Variants in COL11A2 observed in about 807,000 individuals in gnomAD.
COL11A2 encodes collagen type XI alpha 2 chain.
A neutral mutation model predicts 273.4 loss-of-function variants in COL11A2; 116 were observed. The ratio of observed to expected loss-of-function variants is 0.42; its 90% confidence interval spans 0.36 to 0.49. The LOEUF (loss-of-function observed/expected upper bound fraction) is 0.49. Ranked by LOEUF, COL11A2 falls within the 20% of genes least tolerant of loss-of-function variation. The probability of loss-of-function intolerance (pLI) is 0.00; values close to 1 mark genes in which losing one functional copy is unlikely to be tolerated. For missense variants in COL11A2, 1,866 were observed against 2,309.0 expected (o/e 0.81, Z 3.93); for synonymous variants, 782 against 864.2 (o/e 0.90, Z 1.67).
rs1398393436 is a variant in COL11A2 at position 33,170,784 on chromosome 6, AGCCCCTGT to A, written c.3474+18_3474+25del. The A allele has an allele frequency of 1.2e-6, 2 of 1,608,692 alleles. No individual in the cohort carries two copies. The highest frequency in any genetic ancestry group is 2.7e-5 in the African/African-American group (2 of 74,456). ...TCACCCCATCCTGACCCCACCTCTC[AGCCCCTGT>A]CCTATCCCCCAACACACCTGTAGGC... is the stretch of plus-strand genomic sequence containing the variant. On this transcript the variant is annotated intron_variant, in intron 46 of 65. Transcript: ENST00000341947. This position sits in a 1 kb window ranked among gnomAD's most constrained non-coding sequence, Gnocchi z 4.3.
At position 33,184,347 on chromosome 6, in the gene COL11A2, A is replaced by G. The variant is rs1433524035; in HGVS notation, c.940-23T>C. The G allele has an allele frequency of 5.2e-6, 7 of 1,354,894 alleles. No individual in the cohort carries two copies. The Admixed American group carries it at 1.3e-4, about 26-fold the overall frequency. The allele number at this position is 1,354,894 out of a possible 1,614,324, so 83.9% of individuals were successfully genotyped here. On this transcript the variant is annotated intron_variant, in intron 7 of 65. Transcript: ENST00000341947. ...CTCCTTCCCAGGGATGGGGAGGGAG[A>G]GGGGTAGATGGGGATGTTAGGGCTG...
In COL11A2 at chr6:33,189,343, G is replaced by A; in HGVS notation, c.209C>T (p.Ala70Val). 6.2e-7 allele frequency: 1 copy of A among 1,613,612 alleles called. No individual in the cohort carries two copies. The change falls in exon 2 of 66, where the codon GCA becomes GTA. Residue 70 changes from alanine to valine, a missense_variant. By Grantham distance (64) the Ala-to-Val change is moderately conservative. Coordinates refer to ENST00000341947, the MANE Select transcript of COL11A2 (RefSeq NM_080680.3). This position sits in a 1 kb window ranked among gnomAD's most constrained non-coding sequence, Gnocchi z 5.6. ...YRVARPAQLS[A>V]PTRQLFPGGF... The stretch of plus-strand genomic sequence containing the variant: ...ACCTGGGAAAAGCTGGCGAGTGGGT[G>A]CACTGAGCTGGGCAGGTCGTGCCAC...
rs552972707 is a variant in COL11A2 at position 33,190,761 on chromosome 6, C to T, written c.83-1292G>A. On this transcript the variant is annotated intron_variant, in intron 1 of 65. Transcript: ENST00000341947. This position sits in a 1 kb window ranked among gnomAD's most constrained non-coding sequence, Gnocchi z 4.5. ...AACACACAAGGGCCGCTTTGAGAGACGAAGGGTGAGTGAGACAGAGACACA... is the reference window on the plus strand; with the variant it reads ...AACACACAAGGGCCGCTTTGAGAGATGAAGGGTGAGTGAGACAGAGACACA... Among the ~76,000 whole-genome samples, 1 of 152,184 alleles carries T rather than the reference C, an allele frequency of 6.6e-6. No homozygotes were observed. The highest frequency in any genetic ancestry group is 2.1e-4 in the South Asian group (1 of 4,824).
chr6:33,178,075 G>A lies in COL11A2; in HGVS notation c.1872+57C>T. ...GGAGCAGGAAGGCAGCTAGAAAGGT[G>A]GAGAGTTGGAGAGGTCAAGGGGTCA... On this transcript the variant is annotated intron_variant, in intron 21 of 65. Transcript: ENST00000341947. The surrounding 1 kb of genome is among the most constrained non-coding windows in gnomAD (Gnocchi z 4.6). The A allele has an allele frequency of 2.0e-6, 3 of 1,529,492 alleles. No homozygotes were observed. Among genetic ancestry groups the A allele is most frequent in the South Asian group, 2.4e-5 (2 of 84,766 alleles). 94.7% of individuals were successfully genotyped at this position (1,529,492 alleles called of 1,614,324 possible). A position where few individuals can be genotyped will look rare whatever the true frequency, so the allele number is the denominator to read the frequency against.
chr6:33,188,836 G>T (rs1562388305), intron 3 of COL11A2, 142 bp downstream of exon 3: 5 of 996,800 alleles, frequency 5.0e-6, no homozygotes, highest in Non-Finnish European at 6.4e-6. Flanking sequence ...CTCTGGACTA[G>T]AAGTGACTGA....
rs1166513195 is a variant in COL11A2, at chr6:33,171,773, A to G, written c.3090T>C (p.Gly1030=). The part of the protein sequence containing the change: ...RGAAGSGGPI[G]PPGRPGPQGP... ...CCTGCGGGCCTGGGCGCCCTGGCGG[A>G]CCAATGGGTCCCCCTGATCCTGCTG... The change falls in exon 42 of 66, where the codon GGT becomes GGC. Residue 1030 remains glycine (G), a synonymous_variant. Coordinates refer to ENST00000341947, the MANE Select transcript of COL11A2 (RefSeq NM_080680.3). 6.2e-7 allele frequency: 1 copy of G among 1,612,768 alleles called. No individual in the cohort carries two copies. The highest frequency in any genetic ancestry group is 1.1e-5 in the South Asian group (1 of 91,068).
chr6:33,177,392 G>A lies in COL11A2; in HGVS notation c.1971+20C>T, dbSNP rs770912127. 51 of 1,612,478 alleles carry A rather than the reference G, an allele frequency of 3.2e-5. No homozygotes were observed. The East Asian group carries it at 3.3e-4, about 11-fold the overall frequency. ...AGGGAAGTCATGAAAATTGGGGAACGGAGTAGGGGCACCGCTCACCTGGGT... is the reference window on the plus strand; with the variant it reads ...AGGGAAGTCATGAAAATTGGGGAACAGAGTAGGGGCACCGCTCACCTGGGT... On this transcript the variant is annotated intron_variant, in intron 23 of 65. Coordinates refer to ENST00000341947, the MANE Select transcript of COL11A2 (RefSeq NM_080680.3). This position sits in a 1 kb window ranked among gnomAD's most constrained non-coding sequence, Gnocchi z 5.9.
Position 33,189,865 on chromosome 6 carries a change from C to T in COL11A2, c.83-396G>A, listed in dbSNP as rs957144611. ...TATGTTGGTCTTTCTGTCTCTGTCT[C>T]TTCTGTCTTCCTCCATTTCTCTCAC... On this transcript the variant is annotated intron_variant, in intron 1 of 65. Coordinates refer to ENST00000341947, the MANE Select transcript of COL11A2 (RefSeq NM_080680.3). This position sits in a 1 kb window ranked among gnomAD's most constrained non-coding sequence, Gnocchi z 5.6. 1.3e-5 allele frequency among the ~76,000 whole-genome samples: 2 copies of T among 152,156 alleles called. No homozygotes were observed. Among genetic ancestry groups the T allele is most frequent in the Non-Finnish European group, 2.9e-5 (2 of 68,024 alleles).
rs763024054 is a variant in COL11A2, at chr6:33,177,265, G to GTC, written c.1972-42_1972-41dup. 1 of 1,612,226 alleles carries GTC rather than the reference G, an allele frequency of 6.2e-7. No homozygotes were observed. The highest frequency in any genetic ancestry group is 1.1e-5 in the South Asian group (1 of 91,060). Reference sequence around the variant, plus strand: ...AGAGAAGTCACAGGGGCCTCCCAGGGTCTCTTCTATCCAGCCTCCCGGATT... The same window carrying GTC: ...AGAGAAGTCACAGGGGCCTCCCAGGGTCTCTCTTCTATCCAGCCTCCCGGATT... On this transcript the variant is annotated intron_variant, in intron 23 of 65. Transcript: ENST00000341947. This position sits in a 1 kb window ranked among gnomAD's most constrained non-coding sequence, Gnocchi z 5.9.
rs757255865 is a variant in COL11A2 at position 33,168,736 on chromosome 6, G to A, written c.3876C>T (p.Asp1292=). 2 of 1,596,046 alleles carry A rather than the reference G, an allele frequency of 1.3e-6. No homozygotes were observed. ...GPRGQDGAKG[D]RGEDGEPGQP... ...GTCCTGGCTCACCATCCTCGCCTCG[G>A]TCACCCTTAGCACCATCCTGGCCCT... The change falls in exon 53 of 66, where the codon GAC becomes GAT. Residue 1292 remains aspartate (D), a synonymous_variant. Coordinates refer to ENST00000341947, the MANE Select transcript of COL11A2 (RefSeq NM_080680.3).
Position 33,167,135 on chromosome 6 carries a change from T to C in COL11A2, c.4177-12A>G, listed in dbSNP as rs775976642. The C allele has an allele frequency of 1.2e-6, 2 of 1,614,024 alleles. No individual in the cohort carries two copies. The highest frequency in any genetic ancestry group is 1.7e-5 in the Admixed American group (1 of 60,026). ...AGCCCTGGGGGTCCCTGTGGAGAGA[T>C]GGGAAGTCATTCTCTTAAGGGAGAG... On this transcript the variant is annotated splice_polypyrimidine_tract_variant and intron_variant, in intron 57 of 65. Coordinates refer to ENST00000341947, the MANE Select transcript of COL11A2 (RefSeq NM_080680.3). This position sits in a 1 kb window ranked among gnomAD's most constrained non-coding sequence, Gnocchi z 6.1.
At chr6:33,186,183 C>T (rs1025620500) in intron 5 of COL11A2, among the ~76,000 whole-genome samples, 1 of 152,010 alleles carries the variant, frequency 6.6e-6, no homozygotes, top group East Asian at 1.9e-4. Flanking sequence ...CTGGGTTCCC[C>T]ACTCCCACAC....
At chr6:33,175,993 G>T (rs1481624351) in intron 29 of COL11A2, 23 bp downstream of exon 29, 1 of 1,612,722 alleles carries the variant, frequency 6.2e-7, no homozygotes, top group African/African-American at 1.3e-5. Flanking sequence ...CGGAATTGGG[G>T]CCAGTGTGGG....
chr6:33,176,437 A>T lies in COL11A2; in HGVS notation c.2165T>A (p.Val722Asp), dbSNP rs1450967338. 6.2e-7 allele frequency: 1 copy of T among 1,612,094 alleles called. No homozygotes were observed. The highest frequency in any genetic ancestry group is 8.5e-7 in the Non-Finnish European group (1 of 1,179,700). ...GPLGYPGPRGVKGVDGIRGLK... is the reference protein window; with the variant it reads ...GPLGYPGPRGDKGVDGIRGLK... ...CCCAGCCTGGTGGTCAGTTACCTTG[A>T]CCCCTCGAGGTCCTGGGTATCCTAG... is the stretch of plus-strand genomic sequence containing the variant. Residue 722 changes from valine to aspartate, a missense_variant, in exon 27 of 66, where the codon GTC (valine) becomes GAC (aspartate). Coordinates refer to ENST00000341947, the MANE Select transcript of COL11A2 (RefSeq NM_080680.3). This position sits in a 1 kb window ranked among gnomAD's most constrained non-coding sequence, Gnocchi z 4.9.
chr6:33,180,190 T>C, intron 12 of COL11A2, 68 bp downstream of exon 12: 1 of 1,468,022 alleles, frequency 6.8e-7, no homozygotes, highest in East Asian at 2.3e-5. Flanking sequence ...CCCATCTGGT[T>C]CTTGGTAACA....
In COL11A2 at chr6:33,181,101, C is replaced by T. The variant is rs2744507; in HGVS notation, c.1179+10G>A. On this transcript the variant is annotated intron_variant, in intron 9 of 65. Coordinates refer to ENST00000341947, the MANE Select transcript of COL11A2 (RefSeq NM_080680.3). ...TCCACTGCCTCAGCCCTGTGACCAG[C>T]ATAACTTACAGGTTCCAACACTGCA... 0.13 allele frequency: 211,053 copies of T among 1,613,992 alleles called. 14,959 individuals carry two copies. Among genetic ancestry groups the T allele is most frequent in the South Asian group, 0.18 (16,729 of 91,078 alleles).
chr6:33,172,317 G>T lies in COL11A2; in HGVS notation c.2960C>A (p.Pro987Gln). The change falls in exon 40 of 66, where the codon CCA becomes CAA. Residue 987 changes from proline to glutamine, a missense_variant. By Grantham distance (76) the Pro-to-Gln change is moderately conservative (BLOSUM62 -1). Transcript: ENST00000341947. ...AGTGCCTGGGAGGCCTCTCTCTCCT[G>T]GGAATCCCCTCAGACCAGCAGGACC... Reference protein sequence around the residue: ...KDGPAGLRGFPGERGLPGTAG... With the variant: ...KDGPAGLRGFQGERGLPGTAG... 1 of 1,587,930 alleles carries T rather than the reference G, an allele frequency of 6.3e-7. No individual in the cohort carries two copies. The highest frequency in any genetic ancestry group is 1.7e-4 in the Middle Eastern group (1 of 6,026).
chr6:33,182,180 A>G (rs1412369794), intron 8 of COL11A2, among the ~76,000 whole-genome samples: 1 of 152,144 alleles, frequency 6.6e-6, no homozygotes, highest in African/African-American at 2.4e-5. Flanking sequence ...AGGCTGAAGC[A>G]GGAGAATAGC....
Position 33,166,792 on chromosome 6 carries a change from C to T in COL11A2, c.4266G>A (p.Pro1422=), listed in dbSNP as rs760960909. The change falls in exon 59 of 66, where the codon CCG becomes CCA. Residue 1422 remains proline (P), a synonymous_variant. Coordinates refer to ENST00000341947, the MANE Select transcript of COL11A2 (RefSeq NM_080680.3). This position sits in a 1 kb window ranked among gnomAD's most constrained non-coding sequence, Gnocchi z 4.8. The part of the protein sequence containing the change: ...HPGLIGLIGP[P]GEQGEKGDRG... ...GATCTCCCTTCTCTCCCTGCTCACC[C>T]GGGGGCCCAATCAGTCCAATGAGAC... The T allele has an allele frequency of 6.8e-6, 11 of 1,613,314 alleles. No homozygotes were observed. The highest frequency in any genetic ancestry group is 1.7e-5 in the Admixed American group (1 of 60,000).
Sources: gnomAD v4.1 joint callset for allele counts (sites outside exome capture counted in the v4.1 genomes callset) on GRCh38, gnomAD v4.1.1 for gene constraint, Gnocchi (gnomAD v3.1) non-coding constraint, MANE v1.5 for transcripts, NCBI Gene and HGNC (gene_info 2026-07-23, HGNC 2026-07-21) for gene names.